The following AP2A2 variants were observed in gnomAD, a reference collection of about 807,000 sequenced individuals.
AP2A2 encodes AP-2 complex subunit alpha-2.
AP2A2 carries 32 observed loss-of-function variants against 104.2 expected under a neutral mutation model. The observed-to-expected ratio is 0.31, with a 90% confidence interval of 0.23 to 0.41. The LOEUF is 0.41. Ranked by LOEUF, AP2A2 falls within the 10% of genes least tolerant of loss-of-function variation. The pLI is 1.00. For synonymous variants in AP2A2, 539 were observed against 533.3 expected (o/e 1.01, Z -0.15); for missense variants, 912 against 1,261.0 (o/e 0.72, Z 4.19).
At chr11:1,003,880 T>C in intron 16 of AP2A2, 76 bp downstream of exon 16, 5 of 956,726 alleles carry the variant, frequency 5.2e-6, no homozygotes, top group South Asian at 1.6e-5. Context: ...GCAAATCATA[T>C]ACTTATAAGG....
intron 4 of AP2A2, among the ~76,000 whole-genome samples, chr11:976,701 G>A (rs577286270): frequency 6.6e-6 from 1 of 151,994 alleles, no homozygotes; most frequent in African/African-American, 2.4e-5. Flanking sequence ...GTGAGGGTGG[G>A]CGTGGGGCAG....
chr11:993,660 C>CCAGGGGG lies in AP2A2; in HGVS notation c.1551-93_1551-87dup. 1 of 976,510 alleles carries CCAGGGGG rather than the reference C, an allele frequency of 1.0e-6. No homozygotes were observed. The highest frequency in any genetic ancestry group is 1.5e-6 in the Non-Finnish European group (1 of 655,500). The allele number at this position is 976,510 out of a possible 1,614,324, so 60.5% of individuals were successfully genotyped here. Reference sequence around the variant, plus strand: ...CCCGACCAGCGGCCTCTGGTGCAGGCCAGGGGGTCTCGCCGCCGTCCCCCC... The same window carrying CCAGGGGG: ...CCCGACCAGCGGCCTCTGGTGCAGGCCAGGGGGCAGGGGGTCTCGCCGCCGTCCCCCC... On this transcript the variant is annotated intron_variant, in intron 12 of 21. Coordinates refer to ENST00000448903, the MANE Select transcript of AP2A2 (RefSeq NM_012305.4). This position sits in a 1 kb window ranked among gnomAD's most constrained non-coding sequence, Gnocchi z 8.2.
chr11:986,667 G>T, intron 8 of AP2A2, 118 bp from the exon 9 acceptor site: 3 of 1,253,066 alleles, frequency 2.4e-6, no homozygotes, highest in Non-Finnish European at 3.3e-6. Flanking sequence ...GTGTGGTGGC[G>T]GTGAGTGCCG....
At position 994,001 on chromosome 11, in the gene AP2A2, C is replaced by T. The variant is rs375843751; in HGVS notation, c.1782+16C>T. 6 of 1,609,536 alleles carry T rather than the reference C, an allele frequency of 3.7e-6. No individual in the cohort carries two copies. The highest frequency in any genetic ancestry group is 5.1e-6 in the Non-Finnish European group (6 of 1,177,412). Reference sequence around the variant, plus strand: ...CGACATTCTGGTAGGAGGCCCCCGCCCTTCGGGCTGGCTTGGCTGAGGGTT... The same window carrying T: ...CGACATTCTGGTAGGAGGCCCCCGCTCTTCGGGCTGGCTTGGCTGAGGGTT... On this transcript the variant is annotated intron_variant, in intron 13 of 21. Coordinates refer to ENST00000448903, the MANE Select transcript of AP2A2 (RefSeq NM_012305.4).
chr11:936,508 C>A lies in AP2A2; in HGVS notation c.67+10420C>A, dbSNP rs375420106. 5.9e-4 allele frequency among the ~76,000 whole-genome samples: 89 copies of A among 152,100 alleles called. 4 individuals are homozygous for A. The South Asian group carries it at 0.018, about 30-fold the overall frequency. On this transcript the variant is annotated intron_variant, in intron 1 of 21. Coordinates refer to ENST00000448903, the MANE Select transcript of AP2A2 (RefSeq NM_012305.4). Reference sequence around the variant, plus strand: ...TCCTGGGCTCAGGTGATCCTCTTGCCTCAGCTTCTTGAGTGGCTGGGACCA... The same window carrying A: ...TCCTGGGCTCAGGTGATCCTCTTGCATCAGCTTCTTGAGTGGCTGGGACCA...
chr11:931,112 G>A (rs1333786640), intron 1 of AP2A2, among the ~76,000 whole-genome samples: 1 of 151,998 alleles, frequency 6.6e-6, no homozygotes, highest in Non-Finnish European at 1.5e-5. Context: ...TCATATAAAG[G>A]GAATCACATC....
intron 17 of AP2A2, chr11:1,007,709 A>G (rs1856257710): frequency 2.2e-6 from 1 of 461,412 alleles, no homozygotes; most frequent in African/African-American, 2.0e-5. Flanking sequence ...GCTAACGGTG[A>G]CAAAAATTGT....
chr11:932,910 T>A (rs1389340391), intron 1 of AP2A2: 1 of 358,210 alleles, frequency 2.8e-6, no homozygotes, highest in Non-Finnish European at 5.5e-6. Context: ...TGTCAAGATT[T>A]TGTAGTAGAA....
intron 18 of AP2A2, 113 bp from the exon 19 acceptor site, chr11:1,008,987 C>A: frequency 2.4e-6 from 2 of 850,346 alleles, no homozygotes; most frequent in Non-Finnish European, 3.7e-6. Context: ...CCCCGACCCG[C>A]TCTGGTGGGT....
At chr11:985,696 T>G (rs1855431293) in intron 8 of AP2A2, 114 bp downstream of exon 8, 2 of 1,426,946 alleles carry the variant, frequency 1.4e-6, no homozygotes, top group African/African-American at 2.9e-5. Context: ...GGCCTCCCCT[T>G]CGTCCTGCCT....
chr11:984,168 C>T (rs538760780), intron 6 of AP2A2, among the ~76,000 whole-genome samples: 4 of 152,236 alleles, frequency 2.6e-5, no homozygotes, highest in East Asian at 3.9e-4. Context: ...AGCCAAAGGC[C>T]GCATTGGACA....
chr11:1,003,984 T>G (rs1470152295), intron 16 of AP2A2, among the ~76,000 whole-genome samples, 180 bp downstream of exon 16: 1 of 146,772 alleles, frequency 6.8e-6, no homozygotes, highest in Non-Finnish European at 1.5e-5. Context: ...GGCAAACACA[T>G]CAAGACCCCA....
At chr11:1,006,128 G>A (rs538479497) in intron 16 of AP2A2, among the ~76,000 whole-genome samples, 1 of 152,232 alleles carries the variant, frequency 6.6e-6, no homozygotes, top group African/African-American at 2.4e-5. Context: ...GGGCGGGGCC[G>A]GCAGAGGCCT....
chr11:1,000,171 A>T (rs1160118938), intron 14 of AP2A2, among the ~76,000 whole-genome samples: 1 of 152,156 alleles, frequency 6.6e-6, no homozygotes, highest in Non-Finnish European at 1.5e-5. Flanking sequence ...CATTTGTGAA[A>T]AAATGTAGGG....
chr11:992,419 T>C lies in AP2A2; in HGVS notation c.1270-84T>C, dbSNP rs1413372569. 2 of 1,402,136 alleles carry C rather than the reference T, an allele frequency of 1.4e-6. No homozygotes were observed. Among genetic ancestry groups the C allele is most frequent in the East Asian group, 5.0e-5 (2 of 40,192 alleles). 86.9% of individuals were successfully genotyped at this position (1,402,136 alleles called of 1,614,324 possible). ...AGACACATTGAGGTGCTTCTGAAAC[T>C]CTCACTTTGACTTTGGACGACAGTT... is the stretch of plus-strand genomic sequence containing the variant. On this transcript the variant is annotated intron_variant, in intron 10 of 21. Coordinates refer to ENST00000448903, the MANE Select transcript of AP2A2 (RefSeq NM_012305.4). This position sits in a 1 kb window ranked among gnomAD's most constrained non-coding sequence, Gnocchi z 6.4.
intron 1 of AP2A2, among the ~76,000 whole-genome samples, chr11:947,349 T>C (rs1355303903): frequency 6.6e-6 from 1 of 152,186 alleles, no homozygotes; most frequent in African/African-American, 2.4e-5. Context: ...AAGTAATAAT[T>C]ATAAAGCTGT....
At position 982,976 on chromosome 11, in the gene AP2A2, A is replaced by G. The variant is rs564647160; in HGVS notation, c.706-1669A>G. ...GTGAAACTTTCTAATTATGAATTCA[A>G]TTTATTTTATAAGTTGTGGAACTGT... is the stretch of plus-strand genomic sequence containing the variant. On this transcript the variant is annotated intron_variant, in intron 6 of 21. Transcript: ENST00000448903. Among the ~76,000 whole-genome samples the G allele has an allele frequency of 4.3e-5, 6 of 140,616 alleles. No homozygotes were observed. The East Asian group carries it at 1.3e-3, about 30-fold the overall frequency. 92.2% of individuals were successfully genotyped at this position (140,616 alleles called of 152,430 possible).
chr11:963,213 G>A (rs1327721356), intron 2 of AP2A2, among the ~76,000 whole-genome samples: 1 of 152,130 alleles, frequency 6.6e-6, no homozygotes, highest in Non-Finnish European at 1.5e-5. Context: ...ATCAGTTGAG[G>A]TCAGGAGTTT....
In AP2A2 at chr11:1,000,439, C is replaced by G; in HGVS notation, c.1964C>G (p.Pro655Arg). 6.5e-7 allele frequency: 1 copy of G among 1,544,308 alleles called. No individual in the cohort carries two copies. The highest frequency in any genetic ancestry group is 8.7e-7 in the Non-Finnish European group (1 of 1,147,606). Residue 655 changes from proline to arginine, a missense_variant, in exon 15 of 22, where the codon CCT (proline) becomes CGT (arginine). Transcript: ENST00000448903. Reference sequence around the variant, plus strand: ...TCCTTCCTTCTCTTCCAGTCTACGCCTTCTCCGTCGGCAGACCTGCTGGGT... The same window carrying G: ...TCCTTCCTTCTCTTCCAGTCTACGCGTTCTCCGTCGGCAGACCTGCTGGGT... The part of the protein sequence containing the change: ...APASTSAVST[P>R]SPSADLLGLG...
Sources: allele counts gnomAD v4.1 joint callset (sites outside exome capture counted in the v4.1 genomes callset), GRCh38; gene constraint gnomAD v4.1.1; non-coding constraint Gnocchi (gnomAD v3.1); transcripts MANE v1.5; gene names NCBI Gene and HGNC (gene_info 2026-07-23, HGNC 2026-07-21).